SDK1: variants seen among roughly 807,000 people sequenced by gnomAD.
The protein encoded by SDK1 is protein sidekick-1.
Under a neutral mutation model 245.5 loss-of-function variants are expected in SDK1, and 157 were observed. That is an observed-to-expected ratio of 0.64 (90% CI 0.56 to 0.73). The LOEUF is 0.73. SDK1 is among the 30% of genes least tolerant of loss of function. The pLI, the probability that SDK1 is intolerant of heterozygous loss-of-function variation, is 0.00. For synonymous variants in SDK1, 1,647 were observed against 1,278.5 expected, an observed-to-expected ratio of 1.29 and a Z score of -6.15; for missense variants, 3,583 against 3,002.3, an observed-to-expected ratio of 1.19 and a Z score of -4.52.
At chr7:3,997,160 C>T (rs1322079581) in intron 14 of SDK1, among the ~76,000 whole-genome samples, 5 of 152,136 alleles carry the variant, frequency 3.3e-5, no homozygotes, top group Admixed American at 1.3e-4. Context: ...GAAATTGTTA[C>T]GGGATCTTTG....
chr7:4,027,645 C>A (rs536759766), intron 17 of SDK1, among the ~76,000 whole-genome samples: 1 of 152,312 alleles, frequency 6.6e-6, no homozygotes, highest in African/African-American at 2.4e-5. Context: ...TCTACTATTT[C>A]TCCGTTTATG....
intron 1 of SDK1, among the ~76,000 whole-genome samples, chr7:3,557,083 G>T (rs1192850707): frequency 2.0e-5 from 3 of 151,734 alleles, no homozygotes; most frequent in Non-Finnish European, 4.4e-5. Context: ...TCCAGAACAA[G>T]CAGAAGGAAA....
At chr7:3,802,128 C>G (rs1479817985) in intron 4 of SDK1, among the ~76,000 whole-genome samples, 1 of 152,104 alleles carries the variant, frequency 6.6e-6, no homozygotes, top group Non-Finnish European at 1.5e-5. Flanking sequence ...TATTTTATAC[C>G]ACTGTAGTGC....
chr7:4,235,737 G>A (rs1043281778), intron 41 of SDK1, among the ~76,000 whole-genome samples: 3 of 152,234 alleles, frequency 2.0e-5, no homozygotes, highest in Non-Finnish European at 4.4e-5. Context: ...AGGCCTCTCT[G>A]AAACTCCATC....
chr7:4,179,604 C>T (rs1393809450), intron 35 of SDK1, among the ~76,000 whole-genome samples: 1 of 152,056 alleles, frequency 6.6e-6, no homozygotes, highest in Admixed American at 6.5e-5. Flanking sequence ...GTATTTCTGC[C>T]TCTCTTTGCA....
chr7:3,859,834 C>G (rs188010370), intron 5 of SDK1, among the ~76,000 whole-genome samples: 48 of 152,036 alleles, frequency 3.2e-4, no homozygotes, highest in African/African-American at 1.1e-3. Context: ...ATGCAAAATA[C>G]AAAACTGTAC....
At chr7:3,505,535 G>A (rs1442648264) in intron 1 of SDK1, among the ~76,000 whole-genome samples, 17 of 152,178 alleles carry the variant, frequency 1.1e-4, no homozygotes, top group Admixed American at 9.8e-4. Flanking sequence ...ATAGGCATGA[G>A]CCACTGCACT....
intron 44 of SDK1, among the ~76,000 whole-genome samples, chr7:4,258,877 C>T (rs1224178712): frequency 6.6e-6 from 1 of 152,180 alleles, no homozygotes; most frequent in Non-Finnish European, 1.5e-5. Context: ...CACTAAATTT[C>T]TGTCATTCGT....
At chr7:3,748,982 T>C (rs965181844) in intron 4 of SDK1, among the ~76,000 whole-genome samples, 1 of 152,026 alleles carries the variant, frequency 6.6e-6, no homozygotes, top group African/African-American at 2.4e-5. Flanking sequence ...GGAAAAAAAA[T>C]CAACCAACCA....
chr7:3,702,952 C>G (rs559764574), intron 4 of SDK1, among the ~76,000 whole-genome samples: 5 of 147,202 alleles, frequency 3.4e-5, no homozygotes, highest in African/African-American at 1.2e-4. Flanking sequence ...CAGGAAGATG[C>G]AAAGAAATTG....
intron 1 of SDK1, among the ~76,000 whole-genome samples, chr7:3,456,661 A>C (rs1187751142): frequency 6.6e-5 from 10 of 152,168 alleles, no homozygotes; most frequent in Admixed American, 6.5e-4. Context: ...GCTGCTTTAA[A>C]ATCCTTGTCA....
At chr7:3,956,253 A>C (rs575536633) in intron 7 of SDK1, among the ~76,000 whole-genome samples, 1 of 152,108 alleles carries the variant, frequency 6.6e-6, no homozygotes, top group Non-Finnish European at 1.5e-5. Context: ...GCACAGGATG[A>C]CTCATTTACA....
intron 1 of SDK1, among the ~76,000 whole-genome samples, chr7:3,596,949 C>A (rs73037689): frequency 0.18 from 27,619 of 151,998 alleles, 3,035 homozygotes; most frequent in South Asian, 0.28. Flanking sequence ...GAACACTGGC[C>A]GCCTGTGATT....
At chr7:3,412,896 G>A (rs768188945) in intron 1 of SDK1, among the ~76,000 whole-genome samples, 15 of 152,138 alleles carry the variant, frequency 9.9e-5, no homozygotes, top group Non-Finnish European at 2.1e-4. Context: ...ATTAAGCCAC[G>A]TGGTACATAT....
intron 1 of SDK1, among the ~76,000 whole-genome samples, chr7:3,464,844 A>G (rs1037435792): frequency 6.6e-6 from 1 of 152,120 alleles, no homozygotes. Flanking sequence ...TTTAAAGAGT[A>G]AGTTGTGACA....
Position 3,656,456 on chromosome 7 carries a change from C to T in SDK1, c.713+14351C>T, listed in dbSNP as rs1445031611. Among the ~76,000 whole-genome samples, 8 of 152,172 alleles carry T rather than the reference C, an allele frequency of 5.3e-5. 1 individual carries two copies. The highest frequency in any genetic ancestry group is 4.1e-4 in the South Asian group (2 of 4,832). On this transcript the variant is annotated intron_variant, in intron 4 of 44. Coordinates refer to ENST00000404826, the MANE Select transcript of SDK1 (RefSeq NM_152744.4). The stretch of plus-strand genomic sequence containing the variant: ...GACATTTTCTTCTGGAAGTCACTCC[C>T]GAAGTGCAAAATTCCCTCAAAAGCA...
intron 17 of SDK1, among the ~76,000 whole-genome samples, chr7:4,028,359 C>T (rs1199708738): frequency 6.6e-6 from 1 of 152,160 alleles, no homozygotes; most frequent in Non-Finnish European, 1.5e-5. Context: ...AGTCCAGGCT[C>T]CTGGAGAGAA....
chr7:4,076,954 G>T, intron 20 of SDK1, 44 bp from the exon 21 acceptor site: 2 of 1,553,172 alleles, frequency 1.3e-6, no homozygotes, highest in African/African-American at 1.4e-5. Flanking sequence ...GTGAGCCCTT[G>T]GCCTTCAGGA....
At chr7:4,163,671 G>A (rs889575736) in intron 32 of SDK1, among the ~76,000 whole-genome samples, 2 of 152,160 alleles carry the variant, frequency 1.3e-5, no homozygotes, top group African/African-American at 4.8e-5. Flanking sequence ...GGAGAGAGAC[G>A]TGCTGAGTGA....
Sources: allele counts gnomAD v4.1 joint callset (sites outside exome capture counted in the v4.1 genomes callset), GRCh38; gene constraint gnomAD v4.1.1; transcripts MANE v1.5; gene names NCBI Gene and HGNC (gene_info 2026-07-23, HGNC 2026-07-21).